The following PSMD14 variants were observed in gnomAD, a reference collection of about 807,000 sequenced individuals.
PSMD14 encodes proteasome 26S subunit, non-ATPase 14.
PSMD14 carries 7 observed loss-of-function variants against 41.2 expected under a neutral mutation model. That is an observed-to-expected ratio of 0.17 (90% CI 0.10 to 0.32). The LOEUF is 0.32. Ranked by LOEUF, PSMD14 falls within the 10% of genes least tolerant of loss-of-function variation. The probability of loss-of-function intolerance (pLI) is 1.00; values close to 1 mark genes in which losing one functional copy is unlikely to be tolerated. For synonymous variants in PSMD14, 114 were observed against 122.3 expected (o/e 0.93, Z 0.45); for missense variants, 139 against 375.6 (o/e 0.37, Z 5.21).
intron 6 of PSMD14, among the ~76,000 whole-genome samples, 179 bp from the exon 7 acceptor site, chr2:161,370,989 TATTC>T (rs1683423889): frequency 1.3e-5 from 2 of 152,194 alleles, no homozygotes; most frequent in Admixed American, 1.3e-4. Context: ...TTGTCACACA[TATTC>T]ATTTCCATGT....
At chr2:161,322,604 G>A (rs1682624198) in intron 3 of PSMD14, among the ~76,000 whole-genome samples, 2 of 152,006 alleles carry the variant, frequency 1.3e-5, no homozygotes. Context: ...TGGCCGGGCT[G>A]GTCTTGAACT....
At chr2:161,389,886 GTTGTT>G (rs1419141661) in intron 8 of PSMD14, among the ~76,000 whole-genome samples, 1,281 of 14,916 alleles carry the variant, frequency 0.086, 51 homozygotes, top group African/African-American at 0.23. Flanking sequence ...TTTCTTTTTT[GTTGTT>G]TTTTTTTTTT....
chr2:161,389,889 G>GTTGTTTTTTTTTTTGTTTTTTTT lies in PSMD14; in HGVS notation c.571-1213_571-1212insGTTTTTTTTTTTGTTTTTTTTTT. Among the ~76,000 whole-genome samples the GTTGTTTTTTTTTTTGTTTTTTTT allele has an allele frequency of 1.5e-4, 3 of 20,050 alleles. 1 individual carries two copies. Among genetic ancestry groups the GTTGTTTTTTTTTTTGTTTTTTTT allele is most frequent in the East Asian group, 4.4e-3 (2 of 452 alleles). 13.2% of individuals were successfully genotyped at this position (20,050 alleles called of 152,430 possible). A position where few individuals can be genotyped will look rare whatever the true frequency, so the allele number is the denominator to read the frequency against. On this transcript the variant is annotated intron_variant, in intron 8 of 11. Coordinates refer to ENST00000409682, the MANE Select transcript of PSMD14 (RefSeq NM_005805.6). Reference sequence around the variant, plus strand: ...TGTCTTATTTTCTTTCTTTTTTGTTGTTTTTTTTTTTTTTTTTTTTTTTAG... The same window carrying GTTGTTTTTTTTTTTGTTTTTTTT: ...TGTCTTATTTTCTTTCTTTTTTGTTGTTGTTTTTTTTTTTGTTTTTTTTTTTTTTTTTTTTTTTTTTTTTTTAG...
chr2:161,346,623 A>G (rs1396390953), intron 3 of PSMD14, among the ~76,000 whole-genome samples: 1 of 149,698 alleles, frequency 6.7e-6, no homozygotes, highest in Non-Finnish European at 1.5e-5. Context: ...TTGTTATGGG[A>G]TGCAGTTGAA....
rs370163163 is a variant in PSMD14 at position 161,369,831 on chromosome 2, A to G, written c.241-276A>G. Among the ~76,000 whole-genome samples, 22 of 152,150 alleles carry G rather than the reference A, an allele frequency of 1.4e-4. No individual in the cohort carries two copies. The South Asian group carries it at 4.1e-3, about 29-fold the overall frequency. On this transcript the variant is annotated intron_variant, in intron 5 of 11. Transcript: ENST00000409682. The stretch of plus-strand genomic sequence containing the variant: ...CTAACCAATAGTTATGGTTGGTTCA[A>G]TTATTTCGTATTTCTGGTAAACATA...
At chr2:161,351,225 T>C (rs955661727) in intron 3 of PSMD14, among the ~76,000 whole-genome samples, 10 of 152,238 alleles carry the variant, frequency 6.6e-5, no homozygotes, top group African/African-American at 2.4e-4. Context: ...GGGAGCTTTC[T>C]AAAATGATTG....
chr2:161,322,939 T>C (rs1682630753), intron 3 of PSMD14, among the ~76,000 whole-genome samples: 1 of 152,178 alleles, frequency 6.6e-6, no homozygotes, highest in Non-Finnish European at 1.5e-5. Context: ...TCCTTCCTTG[T>C]TCTTGGATCT....
chr2:161,321,938 A>G (rs1165601689), intron 3 of PSMD14, among the ~76,000 whole-genome samples: 3 of 152,196 alleles, frequency 2.0e-5, no homozygotes, highest in Non-Finnish European at 4.4e-5. Context: ...CTCGGCATAC[A>G]TGAGCTTGAT....
chr2:161,344,151 C>T (rs1683008745), intron 3 of PSMD14, among the ~76,000 whole-genome samples: 1 of 152,104 alleles, frequency 6.6e-6, no homozygotes, highest in Admixed American at 6.5e-5. Flanking sequence ...GTCCTGAAAC[C>T]ACTGCCCCAA....
Position 161,311,440 on chromosome 2 carries a change from G to C in PSMD14, c.-138+2836G>C, listed in dbSNP as rs1444342256. Among the ~76,000 whole-genome samples the C allele has an allele frequency of 2.0e-5, 3 of 151,942 alleles. 1 individual carries two copies. Among genetic ancestry groups the C allele is most frequent in the Non-Finnish European group, 4.4e-5 (3 of 68,006 alleles). On this transcript the variant is annotated intron_variant, in intron 1 of 11. Transcript: ENST00000409682. ...TAGTTATTATGAGTAATCTAAAAAT[G>C]ATTTTAAAGTATATAGGAGGATGTG...
At chr2:161,357,028 G>C (rs1038751501) in intron 3 of PSMD14, among the ~76,000 whole-genome samples, 3 of 141,776 alleles carry the variant, frequency 2.1e-5, no homozygotes, top group African/African-American at 8.0e-5. Flanking sequence ...GGCCTGAGTA[G>C]GTAACACTTT....
intron 10 of PSMD14, among the ~76,000 whole-genome samples, chr2:161,406,024 T>C (rs1218173879): frequency 6.6e-6 from 1 of 152,082 alleles, no homozygotes; most frequent in Non-Finnish European, 1.5e-5. Flanking sequence ...AAAAATCCAT[T>C]GGAATTGACC....
At chr2:161,409,893 T>C (rs564783034) in intron 11 of PSMD14, among the ~76,000 whole-genome samples, 8 of 152,184 alleles carry the variant, frequency 5.3e-5, no homozygotes, top group South Asian at 2.1e-4. Flanking sequence ...ACCCTTGTTA[T>C]CTTTTCCACT....
intron 3 of PSMD14, among the ~76,000 whole-genome samples, chr2:161,354,758 G>A (rs17758740): frequency 0.021 from 3,265 of 152,314 alleles, 58 homozygotes; most frequent in Non-Finnish European, 0.033. Context: ...TAAAGGGAAA[G>A]AAATGTCATA....
At chr2:161,402,960 A>C (rs1225588887) in intron 10 of PSMD14, among the ~76,000 whole-genome samples, 1 of 152,246 alleles carries the variant, frequency 6.6e-6, no homozygotes, top group Non-Finnish European at 1.5e-5. Flanking sequence ...AAAATGGTAC[A>C]GCCACTGTGG....
chr2:161,364,184 G>A (rs1005986085), intron 3 of PSMD14, among the ~76,000 whole-genome samples: 5 of 152,256 alleles, frequency 3.3e-5, no homozygotes, highest in Admixed American at 6.5e-5. Context: ...GCCTGCCTGC[G>A]TGCTGGTTTG....
chr2:161,381,952 A>G (rs1375852889), intron 7 of PSMD14: 2 of 151,870 alleles, frequency 1.3e-5, no homozygotes, highest in Admixed American at 6.6e-5. Flanking sequence ...TGCACATCCC[A>G]CAAGCTAATT....
chr2:161,332,436 A>G (rs1366803068), intron 3 of PSMD14, among the ~76,000 whole-genome samples: 2 of 152,240 alleles, frequency 1.3e-5, no homozygotes, highest in African/African-American at 4.8e-5. Flanking sequence ...GCTAATTTCA[A>G]TGACCAATCT....
At chr2:161,393,743 A>C (rs1016627806) in intron 9 of PSMD14, among the ~76,000 whole-genome samples, 1 of 152,012 alleles carries the variant, frequency 6.6e-6, no homozygotes, top group African/African-American at 2.4e-5. Flanking sequence ...AATCATCCAA[A>C]GGGAAAAAAC....
Sources: allele counts gnomAD v4.1 joint callset (sites outside exome capture counted in the v4.1 genomes callset), GRCh38; gene constraint gnomAD v4.1.1; transcripts MANE v1.5; gene names NCBI Gene and HGNC (gene_info 2026-07-23, HGNC 2026-07-21).